TNFRSF10A: variants seen among roughly 807,000 people sequenced by gnomAD.
The protein encoded by TNFRSF10A is tumor necrosis factor receptor superfamily member 10A.
A neutral mutation model predicts 42.8 loss-of-function variants in TNFRSF10A; 44 were observed. The observed-to-expected ratio is 1.03, with a 90% CI of 0.81 to 1.32. The LOEUF is 1.32. TNFRSF10A is among the 40% of genes most tolerant of loss of function. The probability of loss-of-function intolerance (pLI) is 0.00; values close to 1 mark genes in which losing one functional copy is unlikely to be tolerated. For synonymous variants in TNFRSF10A, 259 were observed against 234.2 expected, an observed-to-expected ratio of 1.11 and a Z score of -0.97; for missense variants, 680 against 602.0, an observed-to-expected ratio of 1.13 and a Z score of -1.36.
chr8:23,202,049 T>G (rs1162331298), intron 3 of TNFRSF10A, 130 bp from the exon 4 acceptor site: 3 of 746,938 alleles, frequency 4.0e-6, no homozygotes. Flanking sequence ...AGGGCCAGAT[T>G]CTGCACCAGC....
intron 8 of TNFRSF10A, among the ~76,000 whole-genome samples, chr8:23,198,974 C>G (rs1800867332): frequency 6.6e-6 from 1 of 152,216 alleles, no homozygotes; most frequent in South Asian, 2.1e-4. Flanking sequence ...TCTGTAGGAG[C>G]ACACAGTGGA....
intron 7 of TNFRSF10A, 109 bp downstream of exon 7, chr8:23,199,777 A>T: frequency 6.8e-7 from 1 of 1,465,632 alleles, no homozygotes. Flanking sequence ...CACTTCAGAG[A>T]CTCAGGGCAG....
At position 23,212,166 on chromosome 8, in the gene TNFRSF10A, A is replaced by G. The variant is rs749884739; in HGVS notation, c.353T>C (p.Ile118Thr). Reference protein sequence around the residue: ...AATIKLHDQSIGTQQWEHSPL... With the variant: ...AATIKLHDQSTGTQQWEHSPL... ...GCTATGTTCCCATTGCTGTGTGCCA[A>G]TTGATTGATCATGAAGTTTGATGGT... The change falls in exon 2 of 10, where the codon ATT (isoleucine) becomes ACT (threonine). Residue 118 changes from isoleucine (I) to threonine (T), a missense_variant. Transcript: ENST00000221132. The G allele has an allele frequency of 1.2e-6, 2 of 1,613,930 alleles. No individual in the cohort carries two copies. Among genetic ancestry groups the G allele is most frequent in the African/African-American group, 1.3e-5 (1 of 75,052 alleles).
chr8:23,192,702 T>C lies in TNFRSF10A; in HGVS notation c.1088-689A>G, dbSNP rs1299641851. On this transcript the variant is annotated intron_variant, in intron 9 of 9. Transcript: ENST00000221132. ...AAAAAGAAAAAAGTGACATTCATTT[T>C]AATGTGTGGTACTGAATATGTGTAA... Among the ~76,000 whole-genome samples, 16 of 152,366 alleles carry C rather than the reference T, an allele frequency of 1.1e-4. No homozygotes were observed. The East Asian group carries it at 2.7e-3, about 26-fold the overall frequency.
intron 9 of TNFRSF10A, among the ~76,000 whole-genome samples, chr8:23,194,313 C>G (rs1179601315): frequency 6.6e-6 from 1 of 152,090 alleles, no homozygotes; most frequent in Admixed American, 6.6e-5. Flanking sequence ...TAAATAATTC[C>G]AAGCAATTTT....
In TNFRSF10A at chr8:23,224,767, C is replaced by T; in HGVS notation, c.295G>A (p.Val99Ile). ...CGGTGGGGACTCACCTGCAGCAGGA[C>T]CCCGACGACGACAAACTTGAAGGTC... ...HKTFKFVVVG[V>I]LLQVVPSSAA... The change falls in exon 1 of 10, where the codon GTC (valine) becomes ATC (isoleucine). Residue 99 changes from valine (V) to isoleucine (I), a missense_variant. By Grantham distance (29) the Val-to-Ile change is conservative (BLOSUM62 3). Coordinates refer to ENST00000221132, the MANE Select transcript of TNFRSF10A (RefSeq NM_003844.4). The T allele has an allele frequency of 6.4e-7, 1 of 1,566,872 alleles. No homozygotes were observed. The highest frequency in any genetic ancestry group is 8.7e-7 in the Non-Finnish European group (1 of 1,155,994).
At chr8:23,206,035 TAG>T (rs1786263093) in intron 2 of TNFRSF10A, among the ~76,000 whole-genome samples, 1 of 152,124 alleles carries the variant, frequency 6.6e-6, no homozygotes, top group Non-Finnish European at 1.5e-5. Flanking sequence ...GTTTCTATCT[TAG>T]TTTTTAACAA....
At chr8:23,214,420 G>T (rs1312233164) in intron 1 of TNFRSF10A, among the ~76,000 whole-genome samples, 1 of 151,672 alleles carries the variant, frequency 6.6e-6, no homozygotes, top group Admixed American at 6.6e-5. Flanking sequence ...CCTGAGAGAC[G>T]GAGCTTGCAG....
intron 7 of TNFRSF10A, among the ~76,000 whole-genome samples, 174 bp from the exon 8 acceptor site, chr8:23,199,622 G>T (rs936178544): frequency 2.0e-5 from 3 of 152,134 alleles, no homozygotes; most frequent in Non-Finnish European, 4.4e-5. Flanking sequence ...CTGGGCTTGG[G>T]GGCTCACCCC....
At chr8:23,207,478 A>T in intron 2 of TNFRSF10A, 1 of 378,618 alleles carries the variant, frequency 2.6e-6, no homozygotes, top group South Asian at 2.2e-5. Context: ...TTTCAAGAAG[A>T]ATTAATACCA....
chr8:23,215,102 G>A (rs1277993288), intron 1 of TNFRSF10A, among the ~76,000 whole-genome samples: 1 of 152,186 alleles, frequency 6.6e-6, no homozygotes, highest in African/African-American at 2.4e-5. Flanking sequence ...AGTGTATAAG[G>A]GTGATGTGCG....
At chr8:23,219,592 A>G (rs1362126558) in intron 1 of TNFRSF10A, among the ~76,000 whole-genome samples, 1 of 152,202 alleles carries the variant, frequency 6.6e-6, no homozygotes, top group Admixed American at 6.5e-5. Flanking sequence ...TAAGGAGAAA[A>G]TCTTAAAAGC....
rs568448931 is a variant in TNFRSF10A at position 23,223,883 on chromosome 8, G to C, written c.306+873C>G. 3.9e-5 allele frequency among the ~76,000 whole-genome samples: 6 copies of C among 152,294 alleles called. No individual in the cohort carries two copies. The East Asian group carries it at 1.2e-3, about 29-fold the overall frequency. On this transcript the variant is annotated intron_variant, in intron 1 of 9. Transcript: ENST00000221132. The stretch of plus-strand genomic sequence containing the variant: ...CTGCCTGCCTCGTGGTGGTCAATTC[G>C]CTGCCCTGTACCTGTTGATGCGCAA...
At chr8:23,224,048 C>G (rs183866948) in intron 1 of TNFRSF10A, among the ~76,000 whole-genome samples, 2 of 152,124 alleles carry the variant, frequency 1.3e-5, no homozygotes, top group Non-Finnish European at 2.9e-5. Flanking sequence ...GATGGAGGGC[C>G]GGGCGCGGTG....
At chr8:23,201,679 C>T (rs1157631860) in intron 4 of TNFRSF10A, 129 bp downstream of exon 4, 1 of 808,552 alleles carries the variant, frequency 1.2e-6, no homozygotes, top group Admixed American at 2.2e-5. Flanking sequence ...TCAGGGACAC[C>T]TATGGGGGTG....
At position 23,224,745 on chromosome 8, in the gene TNFRSF10A, T is replaced by C. The variant is rs1230563614; in HGVS notation, c.306+11A>G. On this transcript the variant is annotated intron_variant, in intron 1 of 9. Transcript: ENST00000221132. ...CGCTTTTCCCCAGGCAGGACCGCGG[T>C]GGGGACTCACCTGCAGCAGGACCCC... 2.0e-5 allele frequency: 31 copies of C among 1,558,978 alleles called. No homozygotes were observed. The highest frequency in any genetic ancestry group is 2.6e-5 in the Non-Finnish European group (30 of 1,151,966).
intron 9 of TNFRSF10A, among the ~76,000 whole-genome samples, chr8:23,194,631 T>G (rs1800798758): frequency 6.6e-6 from 1 of 152,196 alleles, no homozygotes; most frequent in Non-Finnish European, 1.5e-5. Flanking sequence ...ACTTTGAAGC[T>G]CTTAGGTGAG....
At chr8:23,207,277 C>T (rs537500657) in intron 2 of TNFRSF10A, 3 of 598,108 alleles carry the variant, frequency 5.0e-6, no homozygotes, top group African/African-American at 3.7e-5. Flanking sequence ...GTTCAACACC[C>T]TGATTAGGCC....
Position 23,212,239 on chromosome 8 carries a change from T to C in TNFRSF10A, c.307-27A>G, listed in dbSNP as rs779513008. On this transcript the variant is annotated intron_variant, in intron 1 of 9. Coordinates refer to ENST00000221132, the MANE Select transcript of TNFRSF10A (RefSeq NM_003844.4). ...TGTGGGGACAAAGCAGGGACTGGCA[T>C]GAGTGGCTTCCAGATCTCACCCATT... The C allele has an allele frequency of 5.6e-6, 9 of 1,598,240 alleles. No individual in the cohort carries two copies. The South Asian group carries it at 9.9e-5, about 18-fold the overall frequency.
Sources: allele counts gnomAD v4.1 joint callset (sites outside exome capture counted in the v4.1 genomes callset), GRCh38; gene constraint gnomAD v4.1.1; transcripts MANE v1.5; gene names NCBI Gene and HGNC (gene_info 2026-07-23, HGNC 2026-07-21).